The following ADAMTS14 variants were observed in gnomAD, a reference collection of about 807,000 sequenced individuals.
ADAMTS14 encodes the protein ADAM metallopeptidase with thrombospondin type 1 motif 14.
ADAMTS14 carries 100 observed loss-of-function variants against 128.6 expected under a neutral mutation model. The ratio of observed to expected loss-of-function variants is 0.78; its 90% CI spans 0.66 to 0.92. The LOEUF is 0.92. Among genes scored for constraint, ADAMTS14 ranks in the 40% least tolerant of loss-of-function variants. The probability of loss-of-function intolerance (pLI) is 0.00; values close to 1 mark genes in which losing one functional copy is unlikely to be tolerated. For missense variants in ADAMTS14, 1,562 were observed against 1,658.6 expected (o/e 0.94, Z 1.01); for synonymous variants, 665 against 653.8 (o/e 1.02, Z -0.26).
At chr10:70,730,981 A>C (rs1359239205) in intron 6 of ADAMTS14, among the ~76,000 whole-genome samples, 1 of 151,914 alleles carries the variant, frequency 6.6e-6, no homozygotes, top group Middle Eastern at 3.2e-3. Flanking sequence ...TTTCTGCTTT[A>C]ATGCTGGAAA....
chr10:70,736,454 G>C (rs112711489), intron 9 of ADAMTS14, among the ~76,000 whole-genome samples: 1 of 152,114 alleles, frequency 6.6e-6, no homozygotes, highest in East Asian at 1.9e-4. Context: ...CAAGAGCATG[G>C]GCCATGGCTA....
chr10:70,707,266 G>A (rs1344683899), intron 3 of ADAMTS14, among the ~76,000 whole-genome samples: 1 of 152,176 alleles, frequency 6.6e-6, no homozygotes, highest in Non-Finnish European at 1.5e-5. Context: ...GGCCCCTCCT[G>A]CTGCCACACC....
chr10:70,719,276 G>A (rs1008198139), intron 4 of ADAMTS14, among the ~76,000 whole-genome samples: 3 of 152,114 alleles, frequency 2.0e-5, no homozygotes, highest in Non-Finnish European at 2.9e-5. Flanking sequence ...CTTGGTGTGA[G>A]AGATATGTGG....
At chr10:70,740,630 C>A (rs1378947022) in intron 11 of ADAMTS14, among the ~76,000 whole-genome samples, 1 of 152,164 alleles carries the variant, frequency 6.6e-6, no homozygotes, top group Non-Finnish European at 1.5e-5. Flanking sequence ...TATGCCAGGG[C>A]CTGCAAAACA....
chr10:70,697,687 G>A (rs1490616232), intron 2 of ADAMTS14, among the ~76,000 whole-genome samples: 1 of 152,204 alleles, frequency 6.6e-6, no homozygotes, highest in African/African-American at 2.4e-5. Context: ...GTGGTTCACA[G>A]CGGGACACAA....
chr10:70,716,220 C>T (rs1833230), intron 4 of ADAMTS14, among the ~76,000 whole-genome samples: 11,460 of 152,192 alleles, frequency 0.075, 523 homozygotes, highest in East Asian at 0.17. Context: ...TCTGGAAGGC[C>T]GCTAGAGGCT....
At position 70,734,174 on chromosome 10, in the gene ADAMTS14, T is replaced by C; in HGVS notation, c.1352+146T>C. On this transcript the variant is annotated intron_variant, in intron 8 of 21. Coordinates refer to ENST00000373207, the MANE Select transcript of ADAMTS14 (RefSeq NM_080722.4). ...TCTCGCCTCCCCGCCAAACCTGGCC[T>C]AAAACATACCCCATTAGCATAGCAG... 6 of 1,054,918 alleles carry C rather than the reference T, an allele frequency of 5.7e-6. No homozygotes were observed. The South Asian group carries it at 9.5e-5, about 17-fold the overall frequency. The allele number at this position is 1,054,918 out of a possible 1,614,324, so 65.3% of individuals were successfully genotyped here.
rs1382064942 is a variant in ADAMTS14, at chr10:70,758,304, C to T, written c.3178+19C>T. On this transcript the variant is annotated intron_variant, in intron 21 of 21. Transcript: ENST00000373207. Reference sequence around the variant, plus strand: ...TCATCAAGTAAGTACAGTCTATGGACCCTACCCTGCTCCCCAGACCTTTCA... The same window carrying T: ...TCATCAAGTAAGTACAGTCTATGGATCCTACCCTGCTCCCCAGACCTTTCA... The T allele has an allele frequency of 3.7e-6, 6 of 1,605,352 alleles. No individual in the cohort carries two copies. The highest frequency in any genetic ancestry group is 5.1e-6 in the Non-Finnish European group (6 of 1,174,118).
intron 2 of ADAMTS14, among the ~76,000 whole-genome samples, chr10:70,694,594 C>A (rs944608136): frequency 6.6e-6 from 1 of 152,180 alleles, no homozygotes; most frequent in African/African-American, 2.4e-5. Context: ...TTTGCCTATT[C>A]TATTTGTTTG....
chr10:70,758,277 TATC>T lies in ADAMTS14; in HGVS notation c.3175_3177del (p.Ser1059del). ...GAACCCCTACATCCCATTAACAAGA[TATC>T]ATCAAGTAAGTACAGTCTATGGACC... On this transcript the variant is annotated inframe_deletion, in exon 21 of 22. Transcript: ENST00000373207. 6.2e-7 allele frequency: 1 copy of T among 1,613,942 alleles called. No homozygotes were observed. Among genetic ancestry groups the T allele is most frequent in the Non-Finnish European group, 8.5e-7 (1 of 1,179,876 alleles).
chr10:70,703,441 A>G (rs892322770), intron 3 of ADAMTS14, among the ~76,000 whole-genome samples: 1 of 152,230 alleles, frequency 6.6e-6, no homozygotes, highest in African/African-American at 2.4e-5. Flanking sequence ...CAGACAGTGC[A>G]TCCGTTGAAG....
intron 4 of ADAMTS14, among the ~76,000 whole-genome samples, chr10:70,719,802 T>C (rs1841195234): frequency 6.6e-6 from 1 of 152,048 alleles, no homozygotes; most frequent in African/African-American, 2.4e-5. Flanking sequence ...TCCCCTCCAC[T>C]CTCCTGCCTC....
In ADAMTS14 at chr10:70,760,358, A is replaced by G; in HGVS notation, c.3179-2A>G. The G allele has an allele frequency of 1.9e-6, 3 of 1,552,208 alleles. No individual in the cohort carries two copies. Among genetic ancestry groups the G allele is most frequent in the South Asian group, 2.4e-5 (2 of 82,584 alleles). The stretch of plus-strand genomic sequence containing the variant: ...ATCCTTGTCCTTGTGCTGTGTGTGC[A>G]GCGGAGCCCTGCACGGGAGACAGGT... On this transcript the variant is annotated splice_acceptor_variant, in intron 21 of 21. Transcript: ENST00000373207. LOFTEE classifies it high-confidence loss of function.
intron 15 of ADAMTS14, chr10:70,745,557 G>A (rs1842153231): frequency 5.7e-6 from 3 of 529,986 alleles, no homozygotes; most frequent in South Asian, 4.1e-5. Context: ...TACCCTGGGG[G>A]CAGTTTTCTT....
chr10:70,708,264 CAA>C (rs1168948408), intron 3 of ADAMTS14, among the ~76,000 whole-genome samples: 4 of 152,276 alleles, frequency 2.6e-5, no homozygotes. Flanking sequence ...ATAAGAGAGA[CAA>C]TGGAGGCCAG....
chr10:70,746,047 G>A (rs1198999056), intron 15 of ADAMTS14, among the ~76,000 whole-genome samples: 2 of 152,206 alleles, frequency 1.3e-5, no homozygotes, highest in Non-Finnish European at 2.9e-5. Context: ...ACATAGACTA[G>A]CTCTTGATGG....
rs1564544455 is a variant in ADAMTS14 at position 70,732,322 on chromosome 10, TCCTCAG to T, written c.1175_1180del (p.Ser392_Ala393del). On this transcript the variant is annotated inframe_deletion, in exon 7 of 22. Coordinates refer to ENST00000373207, the MANE Select transcript of ADAMTS14 (RefSeq NM_080722.4). ...TGCCCTCAACCATGAGGATGGCTTC[TCCTCAG>T]CCTTCGTGATAGCTCATGAGACCGG... 1 of 1,614,188 alleles carries T rather than the reference TCCTCAG, an allele frequency of 6.2e-7. No homozygotes were observed. The highest frequency in any genetic ancestry group is 8.5e-7 in the Non-Finnish European group (1 of 1,180,030).
intron 3 of ADAMTS14, among the ~76,000 whole-genome samples, chr10:70,707,462 A>G (rs1023475885): frequency 2.0e-5 from 3 of 152,178 alleles, no homozygotes; most frequent in Non-Finnish European, 4.4e-5. Flanking sequence ...CCTTCTTGAC[A>G]GACCCCAGCC....
In ADAMTS14 at chr10:70,735,229, G is replaced by A. The variant is rs780215561; in HGVS notation, c.1413G>A (p.Leu471=). ...FDPAWPQPPE[L]PGINYSMDEQ... Reference sequence around the variant, plus strand: ...CTGCCTGGCCCCAGCCCCCAGAGCTGCCTGGGATCAACTACTCAATGGATG... The same window carrying A: ...CTGCCTGGCCCCAGCCCCCAGAGCTACCTGGGATCAACTACTCAATGGATG... Residue 471 remains leucine, a synonymous_variant, in exon 9 of 22, where the codon CTG becomes CTA. Coordinates refer to ENST00000373207, the MANE Select transcript of ADAMTS14 (RefSeq NM_080722.4). The A allele has an allele frequency of 1.9e-6, 3 of 1,613,930 alleles. No homozygotes were observed. Among genetic ancestry groups the A allele is most frequent in the African/African-American group, 2.7e-5 (2 of 74,954 alleles).
Sources: gnomAD v4.1 joint callset for allele counts (sites outside exome capture counted in the v4.1 genomes callset) on GRCh38, gnomAD v4.1.1 for gene constraint, MANE v1.5 for transcripts, NCBI Gene and HGNC (gene_info 2026-07-23, HGNC 2026-07-21) for gene names.